Variants in FHIT observed in about 807,000 individuals in gnomAD.
FHIT encodes the protein bis(5'-adenosyl)-triphosphatase.
A neutral mutation model predicts 17.9 loss-of-function variants in FHIT; 19 were observed. The ratio of observed to expected loss-of-function variants is 1.06; its 90% CI spans 0.74 to 1.56. FHIT has a LOEUF of 1.56. Among genes scored for constraint, FHIT ranks in the 40% most tolerant of loss-of-function variants. The pLI is 0.00. For synonymous variants in FHIT, 81 were observed against 69.7 expected (o/e 1.16, Z -0.81); for missense variants, 248 against 189.2 (o/e 1.31, Z -1.82).
chr3:59,820,066 A>G (rs960425721), intron 8 of FHIT, among the ~76,000 whole-genome samples: 2 of 152,224 alleles, frequency 1.3e-5, no homozygotes, highest in Non-Finnish European at 2.9e-5. Flanking sequence ...CTCCAGAACT[A>G]TGACTAATAA....
intron 5 of FHIT, among the ~76,000 whole-genome samples, chr3:60,239,921 C>T (rs1393006287): frequency 6.6e-6 from 1 of 152,090 alleles, no homozygotes; most frequent in South Asian, 2.1e-4. Flanking sequence ...GCCTTATGAC[C>T]ACAAGTTGGT....
chr3:60,571,536 C>G (rs577284592), intron 4 of FHIT, among the ~76,000 whole-genome samples: 1 of 151,860 alleles, frequency 6.6e-6, no homozygotes, highest in Non-Finnish European at 1.5e-5. Context: ...AATTTGCATA[C>G]GCTCTGGGAG....
chr3:60,153,388 A>G (rs1474826605), intron 5 of FHIT, among the ~76,000 whole-genome samples: 3 of 138,224 alleles, frequency 2.2e-5, no homozygotes, highest in Non-Finnish European at 4.7e-5. Flanking sequence ...AAAAAAAAAG[A>G]GGAGGTGGGG....
intron 3 of FHIT, among the ~76,000 whole-genome samples, chr3:60,892,981 G>T (rs1553761027): frequency 6.6e-6 from 1 of 152,004 alleles, no homozygotes. Flanking sequence ...TTCTGCAATG[G>T]GTACATATGA....
chr3:61,021,592 C>T (rs1227378422), intron 3 of FHIT, among the ~76,000 whole-genome samples: 2 of 101,726 alleles, frequency 2.0e-5, no homozygotes, highest in Non-Finnish European at 4.1e-5. Context: ...GAGCGAGACT[C>T]CGTCTCAAAA....
At chr3:59,819,417 G>A (rs1700714088) in intron 8 of FHIT, among the ~76,000 whole-genome samples, 1 of 151,994 alleles carries the variant, frequency 6.6e-6, no homozygotes, top group East Asian at 1.9e-4. Context: ...ACTTCATATT[G>A]CTTTGTGGAG....
chr3:60,058,130 GTTTTTTTTTT>G (rs71089573), intron 5 of FHIT, among the ~76,000 whole-genome samples: 10 of 66,272 alleles, frequency 1.5e-4, no homozygotes, highest in Admixed American at 3.7e-4. Context: ...ACAGAGTTGT[GTTTTTTTTTT>G]TTTTTTTTTT....
At chr3:60,627,202 T>C (rs566612200) in intron 4 of FHIT, among the ~76,000 whole-genome samples, 1 of 152,280 alleles carries the variant, frequency 6.6e-6, no homozygotes, top group East Asian at 1.9e-4. Context: ...TCATAGAATG[T>C]AGTGATAATT....
intron 5 of FHIT, among the ~76,000 whole-genome samples, chr3:60,054,171 T>C (rs1158229281): frequency 6.6e-6 from 1 of 152,204 alleles, no homozygotes; most frequent in Non-Finnish European, 1.5e-5. Context: ...TTTTAAAGTT[T>C]TGGATTAGAT....
intron 3 of FHIT, among the ~76,000 whole-genome samples, chr3:60,880,233 C>G (rs1704894821): frequency 6.6e-6 from 1 of 152,070 alleles, no homozygotes; most frequent in Non-Finnish European, 1.5e-5. Flanking sequence ...ATTCAAAGTA[C>G]TGAAGGAAAA....
chr3:61,207,010 T>C (rs2039260411), intron 1 of FHIT, among the ~76,000 whole-genome samples: 1 of 152,248 alleles, frequency 6.6e-6, no homozygotes, highest in Admixed American at 6.5e-5. Flanking sequence ...CCTAATTTAT[T>C]GAGAGTTTTT....
intron 3 of FHIT, among the ~76,000 whole-genome samples, chr3:60,966,946 G>A (rs1709773619): frequency 6.6e-6 from 1 of 152,158 alleles, no homozygotes; most frequent in Non-Finnish European, 1.5e-5. Context: ...AATTATCTCA[G>A]TAGACGTAAT....
chr3:59,890,855 T>C (rs570411782), intron 8 of FHIT, among the ~76,000 whole-genome samples: 1 of 152,346 alleles, frequency 6.6e-6, no homozygotes, highest in Non-Finnish European at 1.5e-5. Context: ...CATTTTTCAA[T>C]GTTACTTGCC....
intron 8 of FHIT, among the ~76,000 whole-genome samples, chr3:59,761,648 C>A (rs1343112867): frequency 6.6e-6 from 1 of 151,886 alleles, no homozygotes; most frequent in East Asian, 1.9e-4. Context: ...GCTCTGTTGC[C>A]CAGGCTGGAG....
intron 5 of FHIT, among the ~76,000 whole-genome samples, chr3:60,364,530 T>C (rs954311276): frequency 3.9e-5 from 6 of 152,238 alleles, no homozygotes; most frequent in African/African-American, 1.4e-4. Context: ...TGAATGAATA[T>C]ATTGCTGTTA....
intron 3 of FHIT, among the ~76,000 whole-genome samples, chr3:60,852,409 T>C (rs1245608457): frequency 4.6e-5 from 7 of 152,172 alleles, no homozygotes; most frequent in Non-Finnish European, 8.8e-5. Context: ...CACATCCTAC[T>C]GATTCTGTTT....
rs143377510 is a variant in FHIT at position 60,523,156 on chromosome 3, C to T, written c.103+13704G>A. On this transcript the variant is annotated intron_variant, in intron 5 of 9. Transcript: ENST00000492590. ...CTCCCACGGGCTCCCTCCCATAACA[C>T]GTGGGAATTATGGGAGCTATAATTC... is the stretch of plus-strand genomic sequence containing the variant. Among the ~76,000 whole-genome samples the T allele has an allele frequency of 6.1e-3, 932 of 152,248 alleles. 6 individuals are homozygous for T. The highest frequency in any genetic ancestry group is 0.01 in the Non-Finnish European group (691 of 68,018).
intron 7 of FHIT, among the ~76,000 whole-genome samples, chr3:59,949,409 T>C (rs1706999934): frequency 6.6e-6 from 1 of 152,218 alleles, no homozygotes; most frequent in African/African-American, 2.4e-5. Context: ...GGCACCTATC[T>C]GGCATTCCAC....
intron 8 of FHIT, among the ~76,000 whole-genome samples, chr3:59,905,695 G>A (rs1450808820): frequency 6.6e-6 from 1 of 152,156 alleles, no homozygotes; most frequent in East Asian, 1.9e-4. Flanking sequence ...TAAAGCCACA[G>A]TGAGTCATCT....
Sources: gnomAD v4.1 joint callset for allele counts (sites outside exome capture counted in the v4.1 genomes callset) on GRCh38, gnomAD v4.1.1 for gene constraint, MANE v1.5 for transcripts, NCBI Gene and HGNC (gene_info 2026-07-23, HGNC 2026-07-21) for gene names.